The following WWOX variants were observed in gnomAD, a reference collection of about 807,000 sequenced individuals.
WWOX encodes WW domain containing oxidoreductase, also known as WW domain-containing oxidoreductase.
Under a neutral mutation model 46.2 loss-of-function variants are expected in WWOX, and 69 were observed. The observed-to-expected ratio is 1.49, with a 90% CI of 1.23 to 1.82. The LOEUF (loss-of-function observed/expected upper bound fraction) is 1.82. WWOX is among the 40% of genes most tolerant of loss of function. WWOX has a pLI of 0.00. For synonymous variants in WWOX, 359 were observed against 202.6 expected, an observed-to-expected ratio of 1.77 and a Z score of -6.56; for missense variants, 919 against 542.6, an observed-to-expected ratio of 1.69 and a Z score of -6.89.
chr16:78,199,061 C>T (rs1290523318), intron 5 of WWOX, among the ~76,000 whole-genome samples: 2 of 152,144 alleles, frequency 1.3e-5, no homozygotes, highest in Non-Finnish European at 2.9e-5. Context: ...ATCTCCCATG[C>T]ATCCCACTTT....
chr16:78,658,574 C>T (rs77360440), intron 8 of WWOX, among the ~76,000 whole-genome samples: 2,154 of 152,274 alleles, frequency 0.014, 52 homozygotes, highest in African/African-American at 0.049. Context: ...CTCCGTGCCT[C>T]TCCTCCAGCC....
chr16:79,091,941 C>G (rs1234677827), intron 8 of WWOX, among the ~76,000 whole-genome samples: 1 of 151,796 alleles, frequency 6.6e-6, no homozygotes, highest in Non-Finnish European at 1.5e-5. Context: ...CCACCACGCC[C>G]AGCTAATTTT....
chr16:78,513,789 C>T (rs1317437760), intron 8 of WWOX, among the ~76,000 whole-genome samples: 1 of 152,194 alleles, frequency 6.6e-6, no homozygotes, highest in East Asian at 1.9e-4. Flanking sequence ...AAACTTACGT[C>T]ACCACTTACC....
At chr16:78,770,857 T>C (rs1260251266) in intron 8 of WWOX, among the ~76,000 whole-genome samples, 1 of 152,214 alleles carries the variant, frequency 6.6e-6, no homozygotes, top group Non-Finnish European at 1.5e-5. Context: ...ACGTCATCTG[T>C]GGACGGTTGG....
chr16:78,992,936 C>T (rs2046917008), intron 8 of WWOX, among the ~76,000 whole-genome samples: 1 of 110,530 alleles, frequency 9.0e-6, no homozygotes, highest in Non-Finnish European at 1.8e-5. Flanking sequence ...TTTTTGCCTC[C>T]ATTAGAGTCT....
intron 8 of WWOX, among the ~76,000 whole-genome samples, chr16:78,483,312 T>G (rs2667568): frequency 0.22 from 33,805 of 151,918 alleles, 4,415 homozygotes; most frequent in African/African-American, 0.36. Context: ...CGGGTCTCAG[T>G]GAGGTGTGCC....
chr16:78,749,711 G>A (rs949326284), intron 8 of WWOX, among the ~76,000 whole-genome samples: 3 of 152,182 alleles, frequency 2.0e-5, no homozygotes, highest in African/African-American at 7.2e-5. Context: ...ATATATCTGT[G>A]AAAATGGGCC....
At chr16:78,986,880 T>C (rs8058477) in intron 8 of WWOX, among the ~76,000 whole-genome samples, 1 of 152,142 alleles carries the variant, frequency 6.6e-6, no homozygotes, top group African/African-American at 2.4e-5. Flanking sequence ...AGTTTCAGGA[T>C]GCGCAAGAGA....
Position 78,291,625 on chromosome 16 carries a change from C to A in WWOX, c.517-95235C>A, listed in dbSNP as rs114003092. Among the ~76,000 whole-genome samples, 562 of 152,152 alleles carry A rather than the reference C, an allele frequency of 3.7e-3. 9 individuals carry two copies. The highest frequency in any genetic ancestry group is 0.013 in the African/African-American group (546 of 41,496). On this transcript the variant is annotated intron_variant, in intron 5 of 8. Transcript: ENST00000566780. ...TTGCCTTCTGGTTGTAACTTGGATC[C>A]CCAGGTTTCAATCTGTGGGCTAACG...
At chr16:78,299,466 G>C (rs7188370) in intron 5 of WWOX, among the ~76,000 whole-genome samples, 31,651 of 151,524 alleles carry the variant, frequency 0.21, 4,136 homozygotes, top group African/African-American at 0.36. Context: ...CCTAATTTCT[G>C]CACATCTGTT....
chr16:79,056,607 C>T (rs1372027145), intron 8 of WWOX, among the ~76,000 whole-genome samples: 9 of 152,152 alleles, frequency 5.9e-5, no homozygotes, highest in Non-Finnish European at 1.3e-4. Flanking sequence ...GCATCCCTGG[C>T]CTCTACCCAC....
At chr16:78,948,091 C>A (rs368911473) in intron 8 of WWOX, among the ~76,000 whole-genome samples, 1 of 152,172 alleles carries the variant, frequency 6.6e-6, no homozygotes, top group South Asian at 2.1e-4. Context: ...CAACTCCATC[C>A]GTGCAGCTGC....
At chr16:78,530,058 A>G (rs2043583966) in intron 8 of WWOX, among the ~76,000 whole-genome samples, 1 of 151,852 alleles carries the variant, frequency 6.6e-6, no homozygotes. Context: ...AACCCCCTGC[A>G]CTCCACCCCT....
intron 8 of WWOX, among the ~76,000 whole-genome samples, chr16:79,141,360 C>A (rs549459870): frequency 5.1e-4 from 78 of 152,304 alleles, no homozygotes; most frequent in African/African-American, 1.8e-3. Flanking sequence ...TGTGCTCTGA[C>A]CACTTTGGGC....
chr16:78,158,247 C>T lies in WWOX; in HGVS notation c.410-5936C>T, dbSNP rs367778206. The stretch of plus-strand genomic sequence containing the variant: ...GGAAGATAACGGTATGCTGATTTTG[C>T]GTGCATATTAACATTATCTTGTAAA... On this transcript the variant is annotated intron_variant, in intron 4 of 8. Coordinates refer to ENST00000566780, the MANE Select transcript of WWOX (RefSeq NM_016373.4). Among the ~76,000 whole-genome samples the T allele has an allele frequency of 9.1e-4, 138 of 152,256 alleles. 1 individual carries two copies. The highest frequency in any genetic ancestry group is 3.4e-3 in the Middle Eastern group (1 of 294).
At chr16:78,883,583 G>C (rs1008747603) in intron 8 of WWOX, among the ~76,000 whole-genome samples, 19 of 152,050 alleles carry the variant, frequency 1.2e-4, no homozygotes, top group African/African-American at 4.6e-4. Flanking sequence ...AATTACCTGA[G>C]TGTGGTGGTG....
intron 8 of WWOX, among the ~76,000 whole-genome samples, chr16:78,612,749 T>C (rs1282934474): frequency 6.6e-6 from 1 of 152,152 alleles, no homozygotes; most frequent in Non-Finnish European, 1.5e-5. Flanking sequence ...AGTGCTGGGA[T>C]TACAGGCATG....
chr16:78,212,036 T>G (rs1429577453), intron 5 of WWOX, among the ~76,000 whole-genome samples: 1 of 152,168 alleles, frequency 6.6e-6, no homozygotes, highest in Admixed American at 6.5e-5. Flanking sequence ...TTGTTATTAT[T>G]TGGTGTATTT....
At chr16:78,290,939 A>G (rs540484647) in intron 5 of WWOX, among the ~76,000 whole-genome samples, 2 of 152,334 alleles carry the variant, frequency 1.3e-5, no homozygotes, top group South Asian at 2.1e-4. Flanking sequence ...AAGACTAACT[A>G]AGAAAGGTAG....
Sources: gnomAD v4.1 joint callset for allele counts (sites outside exome capture counted in the v4.1 genomes callset) on GRCh38, gnomAD v4.1.1 for gene constraint, MANE v1.5 for transcripts, NCBI Gene and HGNC (gene_info 2026-07-23, HGNC 2026-07-21) for gene names.